The following TXNDC5 variants were observed in gnomAD, a reference collection of about 807,000 sequenced individuals.
The protein encoded by TXNDC5 is thioredoxin domain-containing protein 5.
A neutral mutation model predicts 52.6 loss-of-function variants in TXNDC5; 44 were observed. The observed-to-expected ratio is 0.84, with a 90% CI of 0.66 to 1.08. The LOEUF is 1.08. Ranked by LOEUF, TXNDC5 falls within the 50% of genes least tolerant of loss-of-function variation. TXNDC5 has a pLI of 0.00. For synonymous variants in TXNDC5, 241 were observed against 234.4 expected, an observed-to-expected ratio of 1.03 and a Z score of -0.26; for missense variants, 600 against 565.5, an observed-to-expected ratio of 1.06 and a Z score of -0.62.
In TXNDC5 at chr6:7,904,697, G is replaced by A. The variant is rs745458807; in HGVS notation, c.290C>T (p.Pro97Leu). 54 of 1,614,058 alleles carry A rather than the reference G, an allele frequency of 3.3e-5. No homozygotes were observed. Among genetic ancestry groups the A allele is most frequent in the Non-Finnish European group, 3.8e-5 (45 of 1,180,048 alleles). ...PWCGHCQRLQ[P>L]TWNDLGDKYN... ...TTTGTCTCCCAGGTCATTCCAAGTCGGCTGCAGCCGCTGGCAGTGTCCACA... is the reference window on the plus strand; with the variant it reads ...TTTGTCTCCCAGGTCATTCCAAGTCAGCTGCAGCCGCTGGCAGTGTCCACA... The change falls in exon 2 of 10, where the codon CCG becomes CTG. Residue 97 changes from proline to leucine, a missense_variant. Coordinates refer to ENST00000379757, the MANE Select transcript of TXNDC5 (RefSeq NM_030810.5).
At chr6:7,884,569 G>C in intron 8 of TXNDC5, 81 bp from the exon 9 acceptor site, 2 of 1,592,784 alleles carry the variant, frequency 1.3e-6, no homozygotes, top group Non-Finnish European at 1.7e-6. Context: ...GACAAGCTCT[G>C]TTTCTTCTGT....
intron 1 of TXNDC5, among the ~76,000 whole-genome samples, chr6:7,905,514 A>T (rs1460950527): frequency 6.6e-6 from 1 of 152,246 alleles, no homozygotes; most frequent in Non-Finnish European, 1.5e-5. Context: ...TAAATATTTT[A>T]AAATCACCCA....
Position 7,904,677 on chromosome 6 carries a change from C to T in TXNDC5, c.310G>A (p.Asp104Asn), listed in dbSNP as rs752583561. The change falls in exon 2 of 10, where the codon GAC becomes AAC. Residue 104 changes from aspartate to asparagine, a missense_variant. Asp to Asn is a conservative substitution (Grantham distance 23, BLOSUM62 1). Coordinates refer to ENST00000379757, the MANE Select transcript of TXNDC5 (RefSeq NM_030810.5). ...RLQPTWNDLG[D>N]KYNSMEDAKV... ...GCATCTTCCATGCTGTTGTATTTGT[C>T]TCCCAGGTCATTCCAAGTCGGCTGC... 2 of 1,614,222 alleles carry T rather than the reference C, an allele frequency of 1.2e-6. No individual in the cohort carries two copies. Among genetic ancestry groups the T allele is most frequent in the South Asian group, 2.2e-5 (2 of 91,086 alleles).
chr6:7,898,094 T>A (rs1760436454), intron 3 of TXNDC5, among the ~76,000 whole-genome samples: 1 of 152,010 alleles, frequency 6.6e-6, no homozygotes, highest in African/African-American at 2.4e-5. Context: ...TAGTTTTTGC[T>A]CTGTTGCATA....
chr6:7,908,579 T>C (rs940455756), intron 1 of TXNDC5, among the ~76,000 whole-genome samples: 2 of 151,894 alleles, frequency 1.3e-5, no homozygotes, highest in South Asian at 4.2e-4. Context: ...CTCAGTACTT[T>C]GGGAGGCCAG....
chr6:7,882,255 C>G lies in TXNDC5; in HGVS notation c.*889G>C, dbSNP rs1759775254. 6.6e-6 allele frequency: 1 copy of G among 152,610 alleles called. No homozygotes were observed. Among genetic ancestry groups the G allele is most frequent in the South Asian group, 2.1e-4 (1 of 4,836 alleles). The allele number at this position is 152,610 out of a possible 1,614,324, so 9.5% of individuals were successfully genotyped here. A position where few individuals can be genotyped will look rare whatever the true frequency, so the allele number is the denominator to read the frequency against. On this transcript the variant is annotated 3_prime_UTR_variant, in exon 10 of 10. Coordinates refer to ENST00000379757, the MANE Select transcript of TXNDC5 (RefSeq NM_030810.5). The stretch of plus-strand genomic sequence containing the variant: ...CCTGGATACCCAGGCCTGGGAAAGC[C>G]TGTCTGGTCTTGTCACCCCAGGTGA...
chr6:7,901,643 T>A (rs1760571216), intron 2 of TXNDC5, among the ~76,000 whole-genome samples: 1 of 152,158 alleles, frequency 6.6e-6, no homozygotes, highest in Admixed American at 6.5e-5. Context: ...ACTTCAATTC[T>A]CACTGTCGAC....
intron 3 of TXNDC5, among the ~76,000 whole-genome samples, chr6:7,899,099 T>G (rs1177698913): frequency 6.6e-6 from 1 of 151,950 alleles, no homozygotes; most frequent in African/African-American, 2.4e-5. Context: ...CTGGCTTGGA[T>G]AGGAGATTCT....
At chr6:7,904,262 A>C (rs1483993260) in intron 2 of TXNDC5, among the ~76,000 whole-genome samples, 1 of 152,222 alleles carries the variant, frequency 6.6e-6, no homozygotes, top group East Asian at 1.9e-4. Context: ...CAGCAAAAGC[A>C]AGCCAAAACT....
chr6:7,910,719 CA>C lies in TXNDC5; in HGVS notation c.57del (p.Ala20ArgfsTer120). On this transcript the variant is annotated frameshift_variant, in exon 1 of 10. Transcript: ENST00000379757. LOFTEE classifies it high-confidence loss of function. The stretch of plus-strand genomic sequence containing the variant: ...TGGCCCAGCAGCAGCAGCAGCAGCG[CA>C]GTCAGGGCCGCCGGCCGGGCCAGCA... ...LPLLARPAAL[T>X]ALLLLLLGHG... The C allele has an allele frequency of 9.5e-7, 1 of 1,050,434 alleles. No individual in the cohort carries two copies. Among genetic ancestry groups the C allele is most frequent in the Non-Finnish European group, 1.1e-6 (1 of 875,618 alleles). 65.1% of individuals were successfully genotyped at this position (1,050,434 alleles called of 1,614,324 possible). A position where few individuals can be genotyped will look rare whatever the true frequency, so the allele number is the denominator to read the frequency against.
intron 3 of TXNDC5, among the ~76,000 whole-genome samples, chr6:7,896,086 C>T (rs1162465626): frequency 1.3e-5 from 2 of 152,116 alleles, no homozygotes; most frequent in East Asian, 3.8e-4. Context: ...CCTTACTTTA[C>T]ACAAATGACA....
intron 3 of TXNDC5, among the ~76,000 whole-genome samples, chr6:7,898,915 G>A (rs1760466252): frequency 6.6e-6 from 1 of 152,202 alleles, no homozygotes; most frequent in African/African-American, 2.4e-5. Flanking sequence ...AAGACACAGA[G>A]TATTAATGGT....
rs891216943 is a variant in TXNDC5 at position 7,881,839 on chromosome 6, T to C, written c.*1305A>G. The C allele has an allele frequency of 2.6e-5, 4 of 152,232 alleles. No homozygotes were observed. Among genetic ancestry groups the C allele is most frequent in the African/African-American group, 9.7e-5 (4 of 41,450 alleles). 9.4% of individuals were successfully genotyped at this position (152,232 alleles called of 1,614,324 possible). A position where few individuals can be genotyped will look rare whatever the true frequency, so the allele number is the denominator to read the frequency against. ...CTTTGGGCCAAGTATCCACATCCCC[T>C]TGCGTATGGGAGGTGGGTGAAGAGT... is the stretch of plus-strand genomic sequence containing the variant. On this transcript the variant is annotated 3_prime_UTR_variant, in exon 10 of 10. Transcript: ENST00000379757.
In TXNDC5 at chr6:7,895,128, G is replaced by A; in HGVS notation, c.594C>T (p.Asn198=). The A allele has an allele frequency of 4.3e-6, 7 of 1,613,846 alleles. No homozygotes were observed. The highest frequency in any genetic ancestry group is 5.9e-6 in the Non-Finnish European group (7 of 1,179,908). ...TACCTTGTGCAACGTGCAGCTCAAA[G>A]TTGCTTGCTGAGAGCTCATACAGCC... ...KQGLYELSAS[N]FELHVAQGDH... Residue 198 remains asparagine (N), a synonymous_variant, in exon 4 of 10, where the codon AAC becomes AAT. Coordinates refer to ENST00000379757, the MANE Select transcript of TXNDC5 (RefSeq NM_030810.5).
At position 7,882,496 on chromosome 6, in the gene TXNDC5, A is replaced by G. The variant is rs1223541074; in HGVS notation, c.*648T>C. 5 of 152,392 alleles carry G rather than the reference A, an allele frequency of 3.3e-5. No homozygotes were observed. The highest frequency in any genetic ancestry group is 7.3e-5 in the Non-Finnish European group (5 of 68,160). The allele number at this position is 152,392 out of a possible 1,614,324, so 9.4% of individuals were successfully genotyped here. ...TTGACAAGTATCGACACATAAAGTT[A>G]TGGCATCAGCATTCTCTTACTCAGG... On this transcript the variant is annotated 3_prime_UTR_variant, in exon 10 of 10. Transcript: ENST00000379757.
At position 7,906,535 on chromosome 6, in the gene TXNDC5, C is replaced by CAAAAAAAA. The variant is rs1207193194; in HGVS notation, c.264-1820_264-1813dup. ...TGGGCGATAGAGCAAGACTCCATCT[C>CAAAAAAAA]AAAAAAAAAAAAAAAAAAAAAAGAA... is the stretch of plus-strand genomic sequence containing the variant. On this transcript the variant is annotated intron_variant, in intron 1 of 9. Transcript: ENST00000379757. Among the ~76,000 whole-genome samples, 154 of 41,890 alleles carry CAAAAAAAA rather than the reference C, an allele frequency of 3.7e-3. 2 individuals are homozygous for CAAAAAAAA. Among genetic ancestry groups the CAAAAAAAA allele is most frequent in the Non-Finnish European group, 4.5e-3 (112 of 24,836 alleles). The allele number at this position is 41,890 out of a possible 152,430, so 27.5% of individuals were successfully genotyped here. A position where few individuals can be genotyped will look rare whatever the true frequency, so the allele number is the denominator to read the frequency against.
intron 3 of TXNDC5, among the ~76,000 whole-genome samples, chr6:7,895,768 A>G (rs1760348779): frequency 6.6e-6 from 1 of 152,040 alleles, no homozygotes; most frequent in Non-Finnish European, 1.5e-5. Context: ...AGGCAAGAGG[A>G]CTGCTTGAGC....
At chr6:7,887,469 G>A (rs891019931) in intron 7 of TXNDC5, among the ~76,000 whole-genome samples, 14 of 150,414 alleles carry the variant, frequency 9.3e-5, no homozygotes, top group Admixed American at 3.3e-4. Flanking sequence ...CCAGATATGC[G>A]GGAATCAGAC....
chr6:7,905,421 A>C (rs563554228), intron 1 of TXNDC5, among the ~76,000 whole-genome samples: 4 of 152,384 alleles, frequency 2.6e-5, no homozygotes, highest in African/African-American at 9.6e-5. Flanking sequence ...GGGGAAAAAA[A>C]AAGTTTGTGG....
Sources: allele counts gnomAD v4.1 joint callset (sites outside exome capture counted in the v4.1 genomes callset), GRCh38; gene constraint gnomAD v4.1.1; transcripts MANE v1.5; gene names NCBI Gene and HGNC (gene_info 2026-07-23, HGNC 2026-07-21).